The following JAKMIP1 variants were observed in gnomAD, a reference collection of about 807,000 sequenced individuals.
JAKMIP1 encodes the protein janus kinase and microtubule-interacting protein 1.
A neutral mutation model predicts 113.0 loss-of-function variants in JAKMIP1; 33 were observed. That is an observed-to-expected ratio of 0.29 (90% CI 0.22 to 0.39). The LOEUF is 0.39. Ranked by LOEUF, JAKMIP1 falls within the 10% of genes least tolerant of loss-of-function variation. JAKMIP1 has a pLI of 1.00. For synonymous variants in JAKMIP1, 480 were observed against 459.9 expected (o/e 1.04, Z -0.56); for missense variants, 813 against 1,080.5 (o/e 0.75, Z 3.47).
rs577095463 is a variant in JAKMIP1 at position 6,196,497 on chromosome 4, G to C, written c.-148+3756C>G. On this transcript the variant is annotated intron_variant, in intron 1 of 20. Transcript: ENST00000409021. ...GGCCAGCCCTGGGGTCACTGTCTGA[G>C]CCTCCACTTACAGCAACACCAATGG... 1.2e-3 allele frequency among the ~76,000 whole-genome samples: 177 copies of C among 152,336 alleles called. 2 individuals carry two copies. Among genetic ancestry groups the C allele is most frequent in the African/African-American group, 4.0e-3 (165 of 41,586 alleles).
At chr4:6,191,362 C>T (rs1055538069) in intron 1 of JAKMIP1, among the ~76,000 whole-genome samples, 1 of 152,192 alleles carries the variant, frequency 6.6e-6, no homozygotes, top group Admixed American at 6.5e-5. Context: ...GAACTCATCA[C>T]GGGCCTTAGT....
chr4:6,036,945 C>T (rs1323118786), intron 18 of JAKMIP1, among the ~76,000 whole-genome samples: 2 of 150,220 alleles, frequency 1.3e-5, no homozygotes, highest in South Asian at 2.1e-4. Context: ...TAGAGGCTAA[C>T]CGGTATCCCT....
intron 3 of JAKMIP1, among the ~76,000 whole-genome samples, chr4:6,101,775 A>C (rs550886172): frequency 2.3e-4 from 34 of 150,650 alleles, no homozygotes; most frequent in African/African-American, 8.3e-4. Context: ...GCATGGTGGC[A>C]GGCATCTGTA....
In JAKMIP1 at chr4:6,134,405, C is replaced by T. The variant is rs928984811; in HGVS notation, c.-147-21408G>A. Among the ~76,000 whole-genome samples, 4 of 152,188 alleles carry T rather than the reference C, an allele frequency of 2.6e-5. No homozygotes were observed. In the East Asian group the frequency reaches 5.8e-4, roughly 22 times the overall value. ...TTTCTTTGTTACTGCAGCCTTGCCTCATCAAACCTGACTGATGCTCTCTTC... is the reference window on the plus strand; with the variant it reads ...TTTCTTTGTTACTGCAGCCTTGCCTTATCAAACCTGACTGATGCTCTCTTC... On this transcript the variant is annotated intron_variant, in intron 1 of 20. Transcript: ENST00000409021.
In JAKMIP1 at chr4:6,031,092, A is replaced by G. The variant is rs1229181185; in HGVS notation, c.2380-1311T>C. Among the ~76,000 whole-genome samples, 1 of 152,226 alleles carries G rather than the reference A, an allele frequency of 6.6e-6. No homozygotes were observed. Among genetic ancestry groups the G allele is most frequent in the Non-Finnish European group, 1.5e-5 (1 of 68,056 alleles). ...CAATTACCGTTCAGACAATAGCAGC[A>G]TACACATAAATAGAAGGGGCATCAG... On this transcript the variant is annotated intron_variant, in intron 19 of 20. Coordinates refer to ENST00000409021, the MANE Select transcript of JAKMIP1 (RefSeq NM_001099433.2). The surrounding 1 kb of genome is among the most constrained non-coding windows in gnomAD (Gnocchi z 4.4).
rs1158981260 is a variant in JAKMIP1, at chr4:6,080,828, G to C, written c.1102-516C>G. Among the ~76,000 whole-genome samples, 1 of 152,136 alleles carries C rather than the reference G, an allele frequency of 6.6e-6. No homozygotes were observed. Among genetic ancestry groups the C allele is most frequent in the Admixed American group, 6.5e-5 (1 of 15,274 alleles). Reference sequence around the variant, plus strand: ...TTGTCCTGTGCTGGAAGAGGGGACAGGGCAGACCAAAGCCAAGCCCAAGGT... The same window carrying C: ...TTGTCCTGTGCTGGAAGAGGGGACACGGCAGACCAAAGCCAAGCCCAAGGT... On this transcript the variant is annotated intron_variant, in intron 6 of 20. Transcript: ENST00000409021. This position sits in a 1 kb window ranked among gnomAD's most constrained non-coding sequence, Gnocchi z 6.0.
At position 6,157,900 on chromosome 4, in the gene JAKMIP1, G is replaced by GA. The variant is rs1722440053; in HGVS notation, c.-148+42352_-148+42353insT. Among the ~76,000 whole-genome samples, 1 of 152,146 alleles carries GA rather than the reference G, an allele frequency of 6.6e-6. No individual in the cohort carries two copies. Among genetic ancestry groups the GA allele is most frequent in the Non-Finnish European group, 1.5e-5 (1 of 68,012 alleles). On this transcript the variant is annotated intron_variant, in intron 1 of 20. Transcript: ENST00000409021. This position sits in a 1 kb window ranked among gnomAD's most constrained non-coding sequence, Gnocchi z 4.7. ...TTCCTTGGGCTCTGTTAGAACCAAG[G>GA]GTGTCTTGCTTTGCATCAGCAGCAC...
In JAKMIP1 at chr4:6,080,340, C is replaced by A; in HGVS notation, c.1102-28G>T. ...GCAGCCACAGGGAGACAGACCACCA[C>A]AGGGTTACCCGCCAACAGTGTTTGT... On this transcript the variant is annotated intron_variant, in intron 6 of 20. Coordinates refer to ENST00000409021, the MANE Select transcript of JAKMIP1 (RefSeq NM_001099433.2). The surrounding 1 kb of genome is among the most constrained non-coding windows in gnomAD (Gnocchi z 6.0). 1 of 1,609,184 alleles carries A rather than the reference C, an allele frequency of 6.2e-7. No individual in the cohort carries two copies. The highest frequency in any genetic ancestry group is 1.3e-5 in the African/African-American group (1 of 75,016).
chr4:6,033,503 T>C (rs1713010077), intron 19 of JAKMIP1, among the ~76,000 whole-genome samples: 1 of 152,238 alleles, frequency 6.6e-6, no homozygotes. Context: ...AGTGCTTACT[T>C]TGTGAGCACT....
Position 6,155,195 on chromosome 4 carries a change from C to T in JAKMIP1, c.-147-42198G>A, listed in dbSNP as rs1335218517. Among the ~76,000 whole-genome samples the T allele has an allele frequency of 6.6e-6, 1 of 152,094 alleles. No individual in the cohort carries two copies. Among genetic ancestry groups the T allele is most frequent in the Non-Finnish European group, 1.5e-5 (1 of 68,006 alleles). On this transcript the variant is annotated intron_variant, in intron 1 of 20. Coordinates refer to ENST00000409021, the MANE Select transcript of JAKMIP1 (RefSeq NM_001099433.2). The surrounding 1 kb of genome is among the most constrained non-coding windows in gnomAD (Gnocchi z 6.1). ...TGAATGCCTGGCTGGAGCTTCCCTC[C>T]GCAGTGACCCTGGTGTGCCCACGAG...
At chr4:6,070,358 C>T (rs961922260) in intron 8 of JAKMIP1, among the ~76,000 whole-genome samples, 3 of 152,230 alleles carry the variant, frequency 2.0e-5, no homozygotes, top group Non-Finnish European at 2.9e-5. Flanking sequence ...TGCAGAGTCC[C>T]AAGAACAGGA....
Position 6,192,346 on chromosome 4 carries a change from C to T in JAKMIP1, c.-148+7907G>A, listed in dbSNP as rs191545384. 2.1e-3 allele frequency among the ~76,000 whole-genome samples: 317 copies of T among 152,278 alleles called. 2 individuals are homozygous for T. The highest frequency in any genetic ancestry group is 7.1e-3 in the African/African-American group (294 of 41,554). On this transcript the variant is annotated intron_variant, in intron 1 of 20. Coordinates refer to ENST00000409021, the MANE Select transcript of JAKMIP1 (RefSeq NM_001099433.2). The surrounding 1 kb of genome is among the most constrained non-coding windows in gnomAD (Gnocchi z 5.0). ...ATGGGACAGCTCAGCTCCAGGAGGT[C>T]CCCTGGTGGCCTCAGGACAAGTGTA...
rs938591660 is a variant in JAKMIP1, at chr4:6,192,605, G to C, written c.-148+7648C>G. 6.6e-6 allele frequency among the ~76,000 whole-genome samples: 1 copy of C among 152,196 alleles called. No homozygotes were observed. Among genetic ancestry groups the C allele is most frequent in the Non-Finnish European group, 1.5e-5 (1 of 68,038 alleles). ...GAAGGAACGAGCACTCGATCACAGAGCTAGCAGGGTGGAGTTCGGAAATTA... is the reference window on the plus strand; with the variant it reads ...GAAGGAACGAGCACTCGATCACAGACCTAGCAGGGTGGAGTTCGGAAATTA... On this transcript the variant is annotated intron_variant, in intron 1 of 20. Coordinates refer to ENST00000409021, the MANE Select transcript of JAKMIP1 (RefSeq NM_001099433.2). The surrounding 1 kb of genome is among the most constrained non-coding windows in gnomAD (Gnocchi z 5.0).
intron 1 of JAKMIP1, among the ~76,000 whole-genome samples, chr4:6,126,422 AAC>A (rs1315049621): frequency 1.6e-3 from 130 of 83,532 alleles, no homozygotes; most frequent in African/African-American, 3.1e-3. Flanking sequence ...ACCGTACAGA[AAC>A]ACACACACAC....
chr4:6,049,609 G>A lies in JAKMIP1; in HGVS notation c.1962+210C>T, dbSNP rs1578089657. 6.6e-6 allele frequency among the ~76,000 whole-genome samples: 1 copy of A among 152,148 alleles called. No individual in the cohort carries two copies. Among genetic ancestry groups the A allele is most frequent in the East Asian group, 1.9e-4 (1 of 5,176 alleles). ...TTTCCCGTCCCCTCCTCACTCAACA[G>A]GCCAGGGGAATCTAACTTCGGAACC... On this transcript the variant is annotated intron_variant, in intron 15 of 20. Transcript: ENST00000409021. This position sits in a 1 kb window ranked among gnomAD's most constrained non-coding sequence, Gnocchi z 7.0.
intron 4 of JAKMIP1, 122 bp downstream of exon 4, chr4:6,085,298 C>T (rs1721134606): frequency 2.3e-6 from 2 of 854,138 alleles, no homozygotes; most frequent in Non-Finnish European, 3.6e-6. Flanking sequence ...CCCTCCAATA[C>T]TGAGTGAATG....
Position 6,048,992 on chromosome 4 carries a change from A to G in JAKMIP1, c.1963-70T>C. 2.5e-6 allele frequency: 3 copies of G among 1,202,096 alleles called. No homozygotes were observed. The South Asian group carries it at 3.9e-5, about 16-fold the overall frequency. 74.5% of individuals were successfully genotyped at this position (1,202,096 alleles called of 1,614,324 possible). ...ATCCACGTGCAGACAGTCAGCACCA[A>G]GCAAGTTTTTTTTTTTCGTTGTTGT... is the stretch of plus-strand genomic sequence containing the variant. On this transcript the variant is annotated intron_variant, in intron 15 of 20. Coordinates refer to ENST00000409021, the MANE Select transcript of JAKMIP1 (RefSeq NM_001099433.2).
Position 6,040,260 on chromosome 4 carries a change from A to T in JAKMIP1, c.2175+379T>A, listed in dbSNP as rs1714144485. On this transcript the variant is annotated intron_variant, in intron 18 of 20. Coordinates refer to ENST00000409021, the MANE Select transcript of JAKMIP1 (RefSeq NM_001099433.2). This position sits in a 1 kb window ranked among gnomAD's most constrained non-coding sequence, Gnocchi z 5.8. Reference sequence around the variant, plus strand: ...TCACCTGGCTTCATCTAATTGCTTTACCTCTGCGTTCCTTTGTGATCATCT... The same window carrying T: ...TCACCTGGCTTCATCTAATTGCTTTTCCTCTGCGTTCCTTTGTGATCATCT... Among the ~76,000 whole-genome samples the T allele has an allele frequency of 6.6e-6, 1 of 152,148 alleles. No individual in the cohort carries two copies. The highest frequency in any genetic ancestry group is 2.4e-5 in the African/African-American group (1 of 41,414).
At chr4:6,169,831 A>G (rs2109017546) in intron 1 of JAKMIP1, among the ~76,000 whole-genome samples, 1 of 151,986 alleles carries the variant, frequency 6.6e-6, no homozygotes, top group South Asian at 2.1e-4. Flanking sequence ...TCATAGGTAC[A>G]ACAACCCCAT....
Sources: allele counts gnomAD v4.1 joint callset (sites outside exome capture counted in the v4.1 genomes callset), GRCh38; gene constraint gnomAD v4.1.1; non-coding constraint Gnocchi (gnomAD v3.1); transcripts MANE v1.5; gene names NCBI Gene and HGNC (gene_info 2026-07-23, HGNC 2026-07-21).